Variants in SIK3 observed in about 807,000 individuals in gnomAD.
SIK3 encodes the protein SIK family kinase 3, also known as serine/threonine-protein kinase SIK3.
A neutral mutation model predicts 144.2 loss-of-function variants in SIK3; 28 were observed. The ratio of observed to expected loss-of-function variants is 0.19; its 90% confidence interval spans 0.14 to 0.27. The LOEUF is 0.27. SIK3 is among the 10% of genes least tolerant of loss of function. The probability of loss-of-function intolerance (pLI) is 1.00; values close to 1 mark genes in which losing one functional copy is unlikely to be tolerated. For missense variants in SIK3, 1,319 were observed against 1,776.0 expected (o/e 0.74, Z 4.62); for synonymous variants, 686 against 676.3 (o/e 1.01, Z -0.22).
intron 4 of SIK3, among the ~76,000 whole-genome samples, chr11:116,915,434 T>C (rs1428516257): frequency 2.0e-5 from 3 of 152,210 alleles, no homozygotes; most frequent in African/African-American, 7.2e-5. Context: ...TGAATTATTT[T>C]CATGCCTTGC....
intron 16 of SIK3, among the ~76,000 whole-genome samples, chr11:116,863,364 T>A (rs565379668): frequency 1.3e-5 from 2 of 152,222 alleles, no homozygotes; most frequent in East Asian, 3.9e-4. Flanking sequence ...GATCCTCCCA[T>A]CTCAGCCTCA....
chr11:116,897,136 C>A, intron 5 of SIK3, 57 bp downstream of exon 5: 2 of 1,564,674 alleles, frequency 1.3e-6, no homozygotes, highest in South Asian at 1.2e-5. Flanking sequence ...ATGCGAATAG[C>A]TGTCATCAAC....
At chr11:116,977,901 G>A (rs1230895465) in intron 1 of SIK3, among the ~76,000 whole-genome samples, 1 of 152,194 alleles carries the variant, frequency 6.6e-6, no homozygotes, top group Non-Finnish European at 1.5e-5. Flanking sequence ...TTATGTGCAA[G>A]AGCATGTACC....
chr11:117,031,883 T>C (rs1006720982), intron 1 of SIK3, among the ~76,000 whole-genome samples: 1 of 152,004 alleles, frequency 6.6e-6, no homozygotes, highest in African/African-American at 2.4e-5. Flanking sequence ...TGGAATTAAA[T>C]GATGGTGAAT....
intron 2 of SIK3, among the ~76,000 whole-genome samples, chr11:116,954,560 C>T (rs1195682233): frequency 1.3e-5 from 2 of 151,650 alleles, no homozygotes; most frequent in Non-Finnish European, 2.9e-5. Context: ...TCACATATGT[C>T]TTTCTTTTTT....
rs780711613 is a variant in SIK3 at position 116,859,537 on chromosome 11, C to G, written c.2493G>C (p.Glu831Asp). The G allele has an allele frequency of 6.2e-7, 1 of 1,614,186 alleles. No individual in the cohort carries two copies. The highest frequency in any genetic ancestry group is 1.7e-5 in the Admixed American group (1 of 60,018). The change falls in exon 20 of 25, where the codon GAG (glutamate) becomes GAC (aspartate). Residue 831 changes from glutamate (E) to aspartate (D), a missense_variant. Glu to Asp is a conservative substitution (Grantham distance 45, BLOSUM62 2). Transcript: ENST00000445177. The part of the protein sequence containing the change: ...SRSAIFQQQP[E>D]NCSSPPNVAL... ...CCACGTTGGGAGGAGAGGAACAGTT[C>G]TCAGGTTGCTGCTGAAAGATTGCAC... is the stretch of plus-strand genomic sequence containing the variant.
intron 1 of SIK3, among the ~76,000 whole-genome samples, chr11:117,074,147 G>A (rs1954400174): frequency 6.6e-6 from 1 of 152,126 alleles, no homozygotes; most frequent in East Asian, 1.9e-4. Context: ...CCATACTACT[G>A]TACTCCAAGA....
At chr11:117,039,048 T>A (rs1163866301) in intron 1 of SIK3, among the ~76,000 whole-genome samples, 1 of 150,910 alleles carries the variant, frequency 6.6e-6, no homozygotes, top group African/African-American at 2.4e-5. Flanking sequence ...AGACTCCATC[T>A]CAAAAAAAAA....
chr11:117,009,684 AT>A (rs1951182672), intron 1 of SIK3, among the ~76,000 whole-genome samples: 1 of 152,228 alleles, frequency 6.6e-6, no homozygotes, highest in Admixed American at 6.5e-5. Context: ...AAAGTACACT[AT>A]TATTATAGCA....
intron 3 of SIK3, among the ~76,000 whole-genome samples, chr11:116,939,900 A>T (rs1385273182): frequency 2.0e-5 from 3 of 152,250 alleles, no homozygotes; most frequent in Non-Finnish European, 2.9e-5. Context: ...AAAAATTTAG[A>T]CATTTTTCAA....
At chr11:116,848,137 AC>A (rs1355571727) in intron 22 of SIK3, among the ~76,000 whole-genome samples, 1 of 152,072 alleles carries the variant, frequency 6.6e-6, no homozygotes, top group Non-Finnish European at 1.5e-5. Context: ...ACACGGTGAA[AC>A]CCCGTCTCTA....
intron 1 of SIK3, among the ~76,000 whole-genome samples, chr11:117,092,916 G>A (rs757083130): frequency 1.3e-5 from 2 of 152,152 alleles, no homozygotes; most frequent in Non-Finnish European, 2.9e-5. Flanking sequence ...TGACTTTCTA[G>A]GGAGCTGGCA....
rs956744319 is a variant in SIK3, at chr11:116,849,437, G to A, written c.3656-154C>T. On this transcript the variant is annotated intron_variant, in intron 21 of 24. Coordinates refer to ENST00000445177, the MANE Select transcript of SIK3 (RefSeq NM_001366686.3). This position sits in a 1 kb window ranked among gnomAD's most constrained non-coding sequence, Gnocchi z 4.2. ...CCTCAGCCGGCGTCATGGCTTAGAG[G>A]AGCCTGGACCAGCCCTCCAAAAGAC... 3.9e-5 allele frequency among the ~76,000 whole-genome samples: 6 copies of A among 152,142 alleles called. No homozygotes were observed. The highest frequency in any genetic ancestry group is 1.4e-4 in the African/African-American group (6 of 41,424).
intron 1 of SIK3, among the ~76,000 whole-genome samples, chr11:117,093,193 C>G (rs1041076752): frequency 1.3e-5 from 2 of 152,306 alleles, no homozygotes; most frequent in Middle Eastern, 3.4e-3. Flanking sequence ...CTCCTACTTA[C>G]CAAATGAATC....
intron 4 of SIK3, among the ~76,000 whole-genome samples, chr11:116,909,995 T>C (rs1230339069): frequency 6.6e-6 from 1 of 152,200 alleles, no homozygotes; most frequent in Non-Finnish European, 1.5e-5. Context: ...AATATAATTT[T>C]AAAGGAAGAG....
intron 1 of SIK3, among the ~76,000 whole-genome samples, chr11:117,037,796 A>G (rs1222849836): frequency 1.4e-5 from 1 of 73,318 alleles, no homozygotes. Flanking sequence ...GAAGAAAAAC[A>G]CACACACAAA....
intron 1 of SIK3, among the ~76,000 whole-genome samples, chr11:117,047,353 G>C (rs1953015858): frequency 6.6e-6 from 1 of 152,160 alleles, no homozygotes; most frequent in East Asian, 1.9e-4. Context: ...ATACCTCATA[G>C]AAAGGTACAA....
chr11:117,020,236 C>CATATAT (rs754633188), intron 1 of SIK3, among the ~76,000 whole-genome samples: 5 of 122,328 alleles, frequency 4.1e-5, no homozygotes, highest in South Asian at 2.6e-4. Flanking sequence ...TGTATATGTG[C>CATATAT]ATATATATAT....
Position 116,953,926 on chromosome 11 carries a change from A to C in SIK3, c.454+118T>G. ...AATGCCTTTGTTGATAGAAAATGGC[A>C]GGATTGAAGAACAGCATCAAGTGAC... On this transcript the variant is annotated intron_variant, in intron 3 of 24. Coordinates refer to ENST00000445177, the MANE Select transcript of SIK3 (RefSeq NM_001366686.3). 5 of 668,300 alleles carry C rather than the reference A, an allele frequency of 7.5e-6. 1 individual carries two copies. In the South Asian group the frequency reaches 9.8e-5, roughly 13 times the overall value. 41.4% of individuals were successfully genotyped at this position (668,300 alleles called of 1,614,324 possible). A position where few individuals can be genotyped will look rare whatever the true frequency, so the allele number is the denominator to read the frequency against.
Sources: allele counts gnomAD v4.1 joint callset (sites outside exome capture counted in the v4.1 genomes callset), GRCh38; gene constraint gnomAD v4.1.1; non-coding constraint Gnocchi (gnomAD v3.1); transcripts MANE v1.5; gene names NCBI Gene and HGNC (gene_info 2026-07-23, HGNC 2026-07-21).